The following ACO2 variants were observed in gnomAD, a reference collection of about 807,000 sequenced individuals.
ACO2 encodes aconitase 2.
ACO2 carries 31 observed loss-of-function variants against 84.5 expected under a neutral mutation model. The observed-to-expected ratio is 0.37, with a 90% confidence interval of 0.28 to 0.50. The LOEUF is 0.50. Ranked by LOEUF, ACO2 falls within the 20% of genes least tolerant of loss-of-function variation. The pLI, the probability that ACO2 is intolerant of heterozygous loss-of-function variation, is 0.97. For synonymous variants in ACO2, 414 were observed against 412.7 expected (o/e 1.00, Z -0.04); for missense variants, 685 against 1,029.3 (o/e 0.67, Z 4.58).
chr22:41,521,396 C>G (rs968787711), intron 9 of ACO2: 2 of 152,254 alleles, frequency 1.3e-5, no homozygotes, highest in Non-Finnish European at 2.9e-5. Context: ...GGCTTGAATC[C>G]TGGCTCTGCC....
At position 41,507,957 on chromosome 22, in the gene ACO2, G is replaced by A. The variant is rs1182305060; in HGVS notation, c.340G>A (p.Gly114Arg). Residue 114 changes from glycine to arginine, a missense_variant, in exon 3 of 18, where the codon GGG becomes AGG. This residue lies in a region of ACO2 where 92 missense variants were observed against 203.7 expected (regional missense o/e 0.45). Coordinates refer to ENST00000216254, the MANE Select transcript of ACO2 (RefSeq NM_001098.3). ...GGCCATGCTCCAGTTCATCAGCAGC[G>A]GGCTGTCCAAGGTGGCTGTGCCATC... Reference protein sequence around the residue: ...QMAMLQFISSGLSKVAVPSTI... With the variant: ...QMAMLQFISSRLSKVAVPSTI... 2.5e-6 allele frequency: 4 copies of A among 1,614,218 alleles called. No individual in the cohort carries two copies. Among genetic ancestry groups the A allele is most frequent in the Admixed American group, 1.7e-5 (1 of 60,026 alleles).
chr22:41,527,044 G>A, intron 15 of ACO2: 1 of 586,314 alleles, frequency 1.7e-6, no homozygotes, highest in Non-Finnish European at 3.0e-6. Context: ...CCAATGGGTG[G>A]CTTCTGTCTT....
chr22:41,493,506 C>G (rs1271171441), intron 1 of ACO2, among the ~76,000 whole-genome samples: 1 of 152,194 alleles, frequency 6.6e-6, no homozygotes, highest in Non-Finnish European at 1.5e-5. Context: ...GATAGGTGAA[C>G]TGGCAAAGAC....
In ACO2 at chr22:41,524,420, C is replaced by T. The variant is rs1461832310; in HGVS notation, c.1483-426C>T. ...TGGCCGTGACTGGCACATGGCCAGG[C>T]TCTCTTGACTTGGTTGTTTATCTGC... On this transcript the variant is annotated intron_variant, in intron 12 of 17. Coordinates refer to ENST00000216254, the MANE Select transcript of ACO2 (RefSeq NM_001098.3). Among the ~76,000 whole-genome samples the T allele has an allele frequency of 3.3e-5, 5 of 152,350 alleles. No individual in the cohort carries two copies. The East Asian group carries it at 5.8e-4, about 18-fold the overall frequency.
intron 9 of ACO2, 84 bp from the exon 10 acceptor site, chr22:41,522,746 A>T (rs903733789): frequency 9.4e-5 from 141 of 1,503,152 alleles, no homozygotes; most frequent in Non-Finnish European, 1.2e-4. Flanking sequence ...TCTTTTGGCC[A>T]AGTCTGGATA....
At chr22:41,507,759 A>G in intron 2 of ACO2, 32 bp from the exon 3 acceptor site, 1 of 1,598,222 alleles carries the variant, frequency 6.3e-7, no homozygotes, top group African/African-American at 1.3e-5. Context: ...TGCAGCTAGC[A>G]CCAGGCCACC....
chr22:41,508,454 C>T (rs909016291), intron 3 of ACO2, among the ~76,000 whole-genome samples: 1 of 152,138 alleles, frequency 6.6e-6, no homozygotes, highest in African/African-American at 2.4e-5. Context: ...CTCCAAGGAC[C>T]CTCTCCGGGA....
chr22:41,505,059 G>T (rs1241535858), intron 2 of ACO2, among the ~76,000 whole-genome samples: 2 of 151,822 alleles, frequency 1.3e-5, no homozygotes, highest in Non-Finnish European at 2.9e-5. Context: ...GGGGGTGAGG[G>T]ACTGGAACCC....
At chr22:41,493,647 A>C (rs1210086025) in intron 1 of ACO2, among the ~76,000 whole-genome samples, 1 of 152,170 alleles carries the variant, frequency 6.6e-6, no homozygotes, top group Non-Finnish European at 1.5e-5. Context: ...TGACATAAGA[A>C]ATTCCATTCC....
In ACO2 at chr22:41,470,528, C is replaced by CTTTTTTTTTTTTTTTTTT. The variant is rs71184811; in HGVS notation, c.36+1363_36+1380dup. 6.3e-5 allele frequency among the ~76,000 whole-genome samples: 6 copies of CTTTTTTTTTTTTTTTTTT among 95,858 alleles called. 1 individual carries two copies. Among genetic ancestry groups the CTTTTTTTTTTTTTTTTTT allele is most frequent in the Non-Finnish European group, 1.0e-4 (5 of 47,804 alleles). 62.9% of individuals were successfully genotyped at this position (95,858 alleles called of 152,430 possible). On this transcript the variant is annotated intron_variant, in intron 1 of 17. Transcript: ENST00000216254. The stretch of plus-strand genomic sequence containing the variant: ...TTTGCACCTAATTATCTCTTTACAT[C>CTTTTTTTTTTTTTTTTTT]TTTTTTTTTTTTTTTTTTTTTTTTT...
chr22:41,515,184 A>G lies in ACO2; in HGVS notation c.526-193A>G, dbSNP rs573720003. On this transcript the variant is annotated intron_variant, in intron 4 of 17. Transcript: ENST00000216254. The surrounding 1 kb of genome is among the most constrained non-coding windows in gnomAD (Gnocchi z 5.8). Reference sequence around the variant, plus strand: ...AAATATCAGAGCTATTCAAGAGCCCAGGCCACCTGTCTCCCAAGGCTCTGG... The same window carrying G: ...AAATATCAGAGCTATTCAAGAGCCCGGGCCACCTGTCTCCCAAGGCTCTGG... 2.0e-4 allele frequency among the ~76,000 whole-genome samples: 31 copies of G among 152,332 alleles called. No homozygotes were observed. Among genetic ancestry groups the G allele is most frequent in the Middle Eastern group, 3.4e-3 (1 of 294 alleles).
In ACO2 at chr22:41,518,482, C is replaced by T. The variant is rs765713996; in HGVS notation, c.942C>T (p.Asp314=). The part of the protein sequence containing the change: ...KKYLSKTGRE[D]IANLADEFKD... ...ATCCCCGTCCCTTGTTGATTTCAGACATTGCCAATCTAGCTGATGAATTCA... is the reference window on the plus strand; with the variant it reads ...ATCCCCGTCCCTTGTTGATTTCAGATATTGCCAATCTAGCTGATGAATTCA... The change falls in exon 8 of 18, where the codon GAC becomes GAT. Residue 314 remains aspartate (D), a splice_region_variant and synonymous_variant. Coordinates refer to ENST00000216254, the MANE Select transcript of ACO2 (RefSeq NM_001098.3). 1 of 1,612,534 alleles carries T rather than the reference C, an allele frequency of 6.2e-7. No individual in the cohort carries two copies. The highest frequency in any genetic ancestry group is 1.1e-5 in the South Asian group (1 of 91,018).
intron 1 of ACO2, among the ~76,000 whole-genome samples, chr22:41,472,686 A>G (rs1338855513): frequency 6.6e-6 from 1 of 152,164 alleles, no homozygotes. Flanking sequence ...CCTGGGCTCA[A>G]GCAATCCTGG....
At chr22:41,522,491 C>T (rs1367139504) in intron 9 of ACO2, among the ~76,000 whole-genome samples, 1 of 152,206 alleles carries the variant, frequency 6.6e-6, no homozygotes, top group South Asian at 2.1e-4. Flanking sequence ...TTAGCATCTC[C>T]TGTCAGCCCC....
intron 2 of ACO2, among the ~76,000 whole-genome samples, chr22:41,502,797 T>TG (rs560459836): frequency 6.6e-6 from 1 of 152,004 alleles, no homozygotes; most frequent in Admixed American, 6.6e-5. Context: ...TTAGTAAAGA[T>TG]GGGGGTTTCA....
chr22:41,528,689 G>T lies in ACO2; in HGVS notation c.*76G>T. 6.4e-7 allele frequency: 1 copy of T among 1,552,708 alleles called. No homozygotes were observed. Among genetic ancestry groups the T allele is most frequent in the Non-Finnish European group, 8.7e-7 (1 of 1,151,616 alleles). The stretch of plus-strand genomic sequence containing the variant: ...GCCATCAGTGGATCCGATCCGTCCA[G>T]CCATGGCTTCCTATTCCAAGATGGT... On this transcript the variant is annotated 3_prime_UTR_variant, in exon 18 of 18. Coordinates refer to ENST00000216254, the MANE Select transcript of ACO2 (RefSeq NM_001098.3).
chr22:41,513,010 C>T lies in ACO2; in HGVS notation c.525+1042C>T, dbSNP rs548191497. ...CTGACGCCGCATGGGCTCCCAGCAC[C>T]GCCCCGCTCTGAAACCAGAGCCAGC... On this transcript the variant is annotated intron_variant, in intron 4 of 17. Coordinates refer to ENST00000216254, the MANE Select transcript of ACO2 (RefSeq NM_001098.3). Among the ~76,000 whole-genome samples the T allele has an allele frequency of 8.6e-4, 131 of 152,296 alleles. 3 individuals are homozygous for T. In the South Asian group the frequency reaches 0.02, roughly 23 times the overall value.
At chr22:41,518,674 C>G (rs546182668) in intron 8 of ACO2, 102 bp downstream of exon 8, 1 of 917,976 alleles carries the variant, frequency 1.1e-6, no homozygotes, top group East Asian at 2.6e-5. Flanking sequence ...TGGCTCACAG[C>G]TGTAATCCCA....
intron 6 of ACO2, among the ~76,000 whole-genome samples, chr22:41,516,795 T>A (rs1283763011): frequency 6.6e-6 from 1 of 152,198 alleles, no homozygotes; most frequent in Non-Finnish European, 1.5e-5. Flanking sequence ...CAATCTCGGC[T>A]CACTACAACC....
Sources: gnomAD v4.1 joint callset for allele counts (sites outside exome capture counted in the v4.1 genomes callset) on GRCh38, gnomAD v4.1.1 for gene constraint, gnomAD v4.1.1 regional missense constraint, Gnocchi (gnomAD v3.1) non-coding constraint, MANE v1.5 for transcripts, NCBI Gene and HGNC (gene_info 2026-07-23, HGNC 2026-07-21) for gene names.